The following NPAS3 variants were observed in gnomAD, a reference collection of about 807,000 sequenced individuals.
NPAS3 encodes neuronal PAS domain protein 3, also known as neuronal PAS domain-containing protein 3.
In NPAS3, 14 loss-of-function variants were observed where a neutral mutation model predicts 73.1. The ratio of observed to expected loss-of-function variants is 0.19; its 90% CI spans 0.13 to 0.30. The LOEUF is 0.30. NPAS3 is among the 10% of genes least tolerant of loss of function. The probability of loss-of-function intolerance (pLI) is 1.00; values close to 1 mark genes in which losing one functional copy is unlikely to be tolerated. For synonymous variants in NPAS3, 620 were observed against 541.5 expected, an observed-to-expected ratio of 1.14 and a Z score of -2.01; for missense variants, 1,096 against 1,250.0, an observed-to-expected ratio of 0.88 and a Z score of 1.86.
intron 4 of NPAS3, among the ~76,000 whole-genome samples, chr14:33,555,258 T>C (rs116129738): frequency 1.9e-4 from 29 of 152,376 alleles, no homozygotes; most frequent in African/African-American, 6.3e-4. Flanking sequence ...GGAAAGCAGA[T>C]AGATTTCAGC....
Position 33,581,497 on chromosome 14 carries a change from A to G in NPAS3, c.558+21287A>G, listed in dbSNP as rs114490460. Among the ~76,000 whole-genome samples the G allele has an allele frequency of 1.2e-3, 182 of 152,336 alleles. 1 individual carries two copies. The highest frequency in any genetic ancestry group is 4.1e-3 in the African/African-American group (170 of 41,584). On this transcript the variant is annotated intron_variant, in intron 5 of 11. Coordinates refer to ENST00000356141, the Ensembl canonical transcript of NPAS3. ...TGCATAGTTTCTGAGATCCTTCACA[A>G]CGGATTTATATTTACATGTTTGTTT... is the stretch of plus-strand genomic sequence containing the variant.
At chr14:33,659,734 C>CA (rs1015262963) in intron 5 of NPAS3, among the ~76,000 whole-genome samples, 51 of 145,988 alleles carry the variant, frequency 3.5e-4, no homozygotes, top group East Asian at 2.2e-3. Context: ...TCTAAGGAAG[C>CA]AAAAAAAAAA....
At chr14:33,034,417 A>G (rs2040095046) in intron 1 of NPAS3, among the ~76,000 whole-genome samples, 2 of 151,702 alleles carry the variant, frequency 1.3e-5, no homozygotes, top group Non-Finnish European at 2.9e-5. Context: ...CTCAGCTAAA[A>G]CATAAGAAGA....
At chr14:33,328,037 A>T (rs546823968) in intron 3 of NPAS3, among the ~76,000 whole-genome samples, 1 of 152,326 alleles carries the variant, frequency 6.6e-6, no homozygotes, top group South Asian at 2.1e-4. Context: ...TGTTTTCCAA[A>T]TACTCAGCAA....
At chr14:33,411,574 G>A (rs1404085135) in intron 4 of NPAS3, among the ~76,000 whole-genome samples, 1 of 152,204 alleles carries the variant, frequency 6.6e-6, no homozygotes, top group Admixed American at 6.5e-5. Context: ...CCAGTGCACA[G>A]GACAGCCCTC....
At chr14:33,168,177 C>T (rs2045239746) in intron 2 of NPAS3, among the ~76,000 whole-genome samples, 1 of 152,190 alleles carries the variant, frequency 6.6e-6, no homozygotes, top group African/African-American at 2.4e-5. Context: ...AGGTGCTCAC[C>T]TGGAGCACAT....
In NPAS3 at chr14:33,238,271, G is replaced by A. The variant is rs147056943; in HGVS notation, c.385+22845G>A. ...GATAATCTTCAAATAGGAAGTACTA[G>A]GATAATGAATTCTGTTAATATGCAT... On this transcript the variant is annotated intron_variant, in intron 3 of 11. Coordinates refer to ENST00000356141, the Ensembl canonical transcript of NPAS3. Among the ~76,000 whole-genome samples the A allele has an allele frequency of 8.3e-3, 1,256 of 152,068 alleles. 10 individuals carry two copies. Among genetic ancestry groups the A allele is most frequent in the African/African-American group, 0.027 (1,112 of 41,522 alleles).
At chr14:33,617,915 A>G (rs1011089379) in intron 5 of NPAS3, among the ~76,000 whole-genome samples, 1 of 152,194 alleles carries the variant, frequency 6.6e-6, no homozygotes, top group Non-Finnish European at 1.5e-5. Flanking sequence ...AAAGAAAAAA[A>G]AAATGGCTGA....
intron 3 of NPAS3, among the ~76,000 whole-genome samples, chr14:33,314,846 G>A (rs2043144537): frequency 6.6e-6 from 1 of 151,988 alleles, no homozygotes; most frequent in Admixed American, 6.6e-5. Context: ...AGAATAAAGA[G>A]TAATATTTCC....
intron 5 of NPAS3, among the ~76,000 whole-genome samples, chr14:33,663,508 G>A (rs1217525651): frequency 6.6e-6 from 1 of 152,084 alleles, no homozygotes; most frequent in Admixed American, 6.5e-5. Flanking sequence ...GTTCATCAGG[G>A]ATATTGGCCT....
chr14:33,626,242 A>C (rs142068787), intron 5 of NPAS3, among the ~76,000 whole-genome samples: 5 of 152,324 alleles, frequency 3.3e-5, no homozygotes, highest in African/African-American at 1.2e-4. Flanking sequence ...TATTGTATTG[A>C]AGGTAATATT....
intron 4 of NPAS3, among the ~76,000 whole-genome samples, chr14:33,548,068 A>T (rs1337655881): frequency 6.6e-6 from 1 of 152,234 alleles, no homozygotes; most frequent in African/African-American, 2.4e-5. Flanking sequence ...AAAAAATAAT[A>T]CTTGGAAATT....
intron 2 of NPAS3, among the ~76,000 whole-genome samples, chr14:33,130,498 G>A (rs949408538): frequency 4.9e-4 from 74 of 152,098 alleles, no homozygotes; most frequent in African/African-American, 1.6e-3. Flanking sequence ...ATTAATCATT[G>A]TTATTTCTAT....
intron 1 of NPAS3, among the ~76,000 whole-genome samples, chr14:32,980,843 C>T (rs2037867901): frequency 6.6e-6 from 1 of 152,142 alleles, no homozygotes; most frequent in South Asian, 2.1e-4. Flanking sequence ...TAAACTGATA[C>T]TCTGTCTTGA....
At chr14:33,312,795 A>G (rs1024545433) in intron 3 of NPAS3, among the ~76,000 whole-genome samples, 36 of 152,050 alleles carry the variant, frequency 2.4e-4, no homozygotes. Context: ...TAGAAAACAA[A>G]AGCCTTAGAG....
At chr14:33,289,962 C>G (rs2042034210) in intron 3 of NPAS3, among the ~76,000 whole-genome samples, 1 of 152,172 alleles carries the variant, frequency 6.6e-6, no homozygotes, top group Non-Finnish European at 1.5e-5. Flanking sequence ...TTCAGTTTCC[C>G]CATGGATGTT....
intron 4 of NPAS3, among the ~76,000 whole-genome samples, chr14:33,407,098 T>C (rs963485918): frequency 6.6e-6 from 1 of 152,176 alleles, no homozygotes; most frequent in Non-Finnish European, 1.5e-5. Context: ...TGGTTGCTAA[T>C]TGAACTCTTT....
intron 6 of NPAS3, among the ~76,000 whole-genome samples, chr14:33,678,533 G>A (rs1477679024): frequency 6.6e-6 from 1 of 152,122 alleles, no homozygotes; most frequent in Non-Finnish European, 1.5e-5. Flanking sequence ...TCAGTTTGCA[G>A]AGAACCCTCT....
rs71432100 is a variant in NPAS3, at chr14:32,977,356, G to GCACGCACA, written c.50+37993_50+37994insGCACACAC. Among the ~76,000 whole-genome samples the GCACGCACA allele has an allele frequency of 8.6e-4, 122 of 141,538 alleles. 3 individuals carry two copies. In the Middle Eastern group the frequency reaches 0.018, roughly 21 times the overall value. 92.9% of individuals were successfully genotyped at this position (141,538 alleles called of 152,430 possible). A position where few individuals can be genotyped will look rare whatever the true frequency, so the allele number is the denominator to read the frequency against. On this transcript the variant is annotated intron_variant, in intron 1 of 11. Transcript: ENST00000356141. ...TTTCTACGAGTTTTGTCTCTGACACGCACACACACACACACACACACACAC... is the reference window on the plus strand; with the variant it reads ...TTTCTACGAGTTTTGTCTCTGACACGCACGCACACACACACACACACACACACACACAC...
Sources: allele counts gnomAD v4.1 joint callset (sites outside exome capture counted in the v4.1 genomes callset), GRCh38; gene constraint gnomAD v4.1.1; transcripts MANE v1.5; gene names NCBI Gene and HGNC (gene_info 2026-07-23, HGNC 2026-07-21).